KCNE3: variants seen among roughly 807,000 people sequenced by gnomAD.
KCNE3 encodes potassium voltage-gated channel subfamily E member 3.
Under a neutral mutation model 4.3 loss-of-function variants are expected in KCNE3, and 2 were observed. The ratio of observed to expected loss-of-function variants is 0.47; its 90% confidence interval spans 0.19 to 1.48. The LOEUF is 1.48. Ranked by LOEUF, KCNE3 falls within the 40% of genes most tolerant of loss-of-function variation. The pLI, the probability that KCNE3 is intolerant of heterozygous loss-of-function variation, is 0.25. For missense variants in KCNE3, 128 were observed against 136.8 expected (o/e 0.94, Z 0.32); for synonymous variants, 47 against 52.0 (o/e 0.90, Z 0.41).
chr11:74,461,099 G>T (rs1041036651), intron 2 of KCNE3, among the ~76,000 whole-genome samples: 8 of 152,136 alleles, frequency 5.3e-5, no homozygotes, highest in African/African-American at 1.9e-4. Flanking sequence ...AAGGAAATAA[G>T]TTCCTTTCCC....
chr11:74,457,050 T>C lies in KCNE3; in HGVS notation c.*202A>G. 1.6e-6 allele frequency: 1 copy of C among 612,614 alleles called. No homozygotes were observed. Among genetic ancestry groups the C allele is most frequent in the Non-Finnish European group, 2.9e-6 (1 of 345,020 alleles). The allele number at this position is 612,614 out of a possible 1,614,324, so 37.9% of individuals were successfully genotyped here. On this transcript the variant is annotated 3_prime_UTR_variant, in exon 3 of 3. Coordinates refer to ENST00000310128, the MANE Select transcript of KCNE3 (RefSeq NM_005472.5). ...CCCACTGTTTATAAAGTCTATCTTT[T>C]CCTGGGAAAAAATCCTTATGCACAA...
At chr11:74,466,680 A>G (rs1864064319) in intron 1 of KCNE3, among the ~76,000 whole-genome samples, 1 of 152,164 alleles carries the variant, frequency 6.6e-6, no homozygotes, top group South Asian at 2.1e-4. Flanking sequence ...TTTTCGAGAT[A>G]AGAGACTCTG....
At position 74,457,390 on chromosome 11, in the gene KCNE3, G is replaced by A; in HGVS notation, c.174C>T (p.Tyr58=). Residue 58 remains tyrosine, a synonymous_variant, in exon 3 of 3, where the codon TAC becomes TAT. Coordinates refer to ENST00000310128, the MANE Select transcript of KCNE3 (RefSeq NM_005472.5). The part of the protein sequence containing the change: ...ASLPGRDDNS[Y]MYILFVMFLF... ...GAAACATGACAAAGAGAATGTACAT[G>A]TAGGAGTTGTCATCACGGCCAGGTA... 3 of 1,614,072 alleles carry A rather than the reference G, an allele frequency of 1.9e-6. No homozygotes were observed. The highest frequency in any genetic ancestry group is 2.5e-6 in the Non-Finnish European group (3 of 1,179,906).
intron 1 of KCNE3, among the ~76,000 whole-genome samples, chr11:74,463,390 G>C (rs1419546413): frequency 1.3e-5 from 2 of 152,264 alleles, no homozygotes; most frequent in East Asian, 3.9e-4. Context: ...GTCTGCGTTA[G>C]GAGAGGCAGA....
In KCNE3 at chr11:74,465,287, G is replaced by A. The variant is rs529869440; in HGVS notation, c.-190+2111C>T. On this transcript the variant is annotated intron_variant, in intron 1 of 2. Coordinates refer to ENST00000310128, the MANE Select transcript of KCNE3 (RefSeq NM_005472.5). ...TCTCTAAGAGCATTCCCCCGCTCTG[G>A]CACACGCACATACATTCATGAAAAC... Among the ~76,000 whole-genome samples, 119 of 152,220 alleles carry A rather than the reference G, an allele frequency of 7.8e-4. 1 individual carries two copies. The South Asian group carries it at 0.023, about 30-fold the overall frequency.
At chr11:74,463,884 T>A (rs1337463180) in intron 1 of KCNE3, among the ~76,000 whole-genome samples, 1 of 152,210 alleles carries the variant, frequency 6.6e-6, no homozygotes, top group African/African-American at 2.4e-5. Flanking sequence ...ACACAGCCTG[T>A]TAGTGTCATG....
At chr11:74,457,826 G>A (rs1312064839) in intron 2 of KCNE3, among the ~76,000 whole-genome samples, 1 of 152,134 alleles carries the variant, frequency 6.6e-6, no homozygotes, top group South Asian at 2.1e-4. Context: ...TTCCCATGCT[G>A]TTCTCATGAT....
At position 74,456,844 on chromosome 11, in the gene KCNE3, C is replaced by T. The variant is rs1863827819; in HGVS notation, c.*408G>A. The T allele has an allele frequency of 7.8e-6, 2 of 255,054 alleles. No homozygotes were observed. The highest frequency in any genetic ancestry group is 2.3e-5 in the African/African-American group (1 of 44,078). The allele number at this position is 255,054 out of a possible 1,614,324, so 15.8% of individuals were successfully genotyped here. The stretch of plus-strand genomic sequence containing the variant: ...CATATCTGTGATATGGGATAGTCAT[C>T]ACTGCTTCTCATGGCTGAAGATAAC... On this transcript the variant is annotated 3_prime_UTR_variant, in exon 3 of 3. Coordinates refer to ENST00000310128, the MANE Select transcript of KCNE3 (RefSeq NM_005472.5).
intron 1 of KCNE3, among the ~76,000 whole-genome samples, chr11:74,464,993 C>T (rs191257889): frequency 4.9e-4 from 74 of 152,344 alleles, no homozygotes; most frequent in Non-Finnish European, 3.4e-4. Context: ...CAGACCTTCT[C>T]CTGGGACTCC....
rs1237483430 is a variant in KCNE3, at chr11:74,459,545, C to CTG, written c.-40-1943_-40-1942insCA. Among the ~76,000 whole-genome samples, 12 of 151,988 alleles carry CTG rather than the reference C, an allele frequency of 7.9e-5. No individual in the cohort carries two copies. In the East Asian group the frequency reaches 2.3e-3, roughly 29 times the overall value. On this transcript the variant is annotated intron_variant, in intron 2 of 2. Transcript: ENST00000310128. ...CCAAAGTGCTGGGATTACAGGCGCC[C>CTG]AGCCAGAAAGAACATCTTAAAACAG...
At chr11:74,459,046 T>C (rs78063261) in intron 2 of KCNE3, among the ~76,000 whole-genome samples, 7,224 of 152,112 alleles carry the variant, frequency 0.047, 554 homozygotes, top group African/African-American at 0.17. Context: ...CTGCAGGCAC[T>C]GGAGAAGAGA....
At chr11:74,464,538 G>A (rs1047234487) in intron 1 of KCNE3, among the ~76,000 whole-genome samples, 2 of 152,212 alleles carry the variant, frequency 1.3e-5, no homozygotes, top group African/African-American at 4.8e-5. Flanking sequence ...TGAGCTGGAA[G>A]AGATCTTCAT....
intron 2 of KCNE3, among the ~76,000 whole-genome samples, chr11:74,458,452 TC>T (rs1232066410): frequency 2.0e-5 from 3 of 152,208 alleles, no homozygotes; most frequent in Non-Finnish European, 4.4e-5. Flanking sequence ...TAGAGCTGCT[TC>T]CACTTCCATG....
At chr11:74,464,527 C>A (rs148256622) in intron 1 of KCNE3, among the ~76,000 whole-genome samples, 19 of 152,280 alleles carry the variant, frequency 1.2e-4, no homozygotes, top group African/African-American at 4.6e-4. Flanking sequence ...GGAATAGAAT[C>A]TGAGCTGGAA....
Position 74,456,412 on chromosome 11 carries a change from G to A in KCNE3, c.*840C>T, listed in dbSNP as rs1483808901. 6.6e-6 allele frequency: 1 copy of A among 151,810 alleles called. No individual in the cohort carries two copies. The highest frequency in any genetic ancestry group is 2.4e-5 in the African/African-American group (1 of 41,330). 9.4% of individuals were successfully genotyped at this position (151,810 alleles called of 1,614,324 possible). The stretch of plus-strand genomic sequence containing the variant: ...GAAAAGACTGCTTGCTTTGGAGGTA[G>A]TTTAGTCCTGTTGCCTGGCAATGTG... On this transcript the variant is annotated 3_prime_UTR_variant, in exon 3 of 3. Coordinates refer to ENST00000310128, the MANE Select transcript of KCNE3 (RefSeq NM_005472.5).
rs1863809814 is a variant in KCNE3, at chr11:74,456,181, A to ATATATATATATATATATATAT, written c.*1070_*1071insATATATATATATATATATATA. 2 of 69,816 alleles carry ATATATATATATATATATATAT rather than the reference A, an allele frequency of 2.9e-5. No individual in the cohort carries two copies. The highest frequency in any genetic ancestry group is 4.6e-4 in the South Asian group (1 of 2,160). The allele number at this position is 69,816 out of a possible 1,614,324, so 4.3% of individuals were successfully genotyped here. On this transcript the variant is annotated 3_prime_UTR_variant, in exon 3 of 3. Transcript: ENST00000310128. ...ATATATATATATATATATATATATA[A>ATATATATATATATATATATAT]ATTAACTGGGTGTGGTGACAGGAAC...
In KCNE3 at chr11:74,456,981, T is replaced by C. The variant is rs72550300; in HGVS notation, c.*271A>G. 1 of 501,118 alleles carries C rather than the reference T, an allele frequency of 2.0e-6. No individual in the cohort carries two copies. Among genetic ancestry groups the C allele is most frequent in the Non-Finnish European group, 3.6e-6 (1 of 276,152 alleles). 31.0% of individuals were successfully genotyped at this position (501,118 alleles called of 1,614,324 possible). ...AATACTCCAGCCACTGAACCAGTTATTGGTCATTATCTGTTGCTACTTTTA... is the reference window on the plus strand; with the variant it reads ...AATACTCCAGCCACTGAACCAGTTACTGGTCATTATCTGTTGCTACTTTTA... On this transcript the variant is annotated 3_prime_UTR_variant, in exon 3 of 3. Coordinates refer to ENST00000310128, the MANE Select transcript of KCNE3 (RefSeq NM_005472.5).
intron 1 of KCNE3, among the ~76,000 whole-genome samples, chr11:74,465,654 C>G (rs1292152464): frequency 6.6e-6 from 1 of 152,166 alleles, no homozygotes; most frequent in Non-Finnish European, 1.5e-5. Context: ...TTCAAGTGTT[C>G]CTTTCATGAT....
At chr11:74,461,398 AG>A (rs1354319500) in intron 2 of KCNE3, among the ~76,000 whole-genome samples, 1 of 151,958 alleles carries the variant, frequency 6.6e-6, no homozygotes, top group Non-Finnish European at 1.5e-5. Flanking sequence ...TGGGAGGCTG[AG>A]GCCAGTGGGT....
Sources: gnomAD v4.1 joint callset for allele counts (sites outside exome capture counted in the v4.1 genomes callset) on GRCh38, gnomAD v4.1.1 for gene constraint, MANE v1.5 for transcripts, NCBI Gene and HGNC (gene_info 2026-07-23, HGNC 2026-07-21) for gene names.